TTC27: variants seen among roughly 807,000 people sequenced by gnomAD.
TTC27 encodes tetratricopeptide repeat protein 27.
In TTC27, 79 loss-of-function variants were observed where a neutral mutation model predicts 115.9. That is an observed-to-expected ratio of 0.68 (90% confidence interval 0.57 to 0.82). The LOEUF is 0.82. Among genes scored for constraint, TTC27 ranks in the 40% least tolerant of loss-of-function variants. The pLI is 0.00. For synonymous variants in TTC27, 401 were observed against 356.0 expected (o/e 1.13, Z -1.42); for missense variants, 1,054 against 993.1 (o/e 1.06, Z -0.82).
chr2:32,749,789 T>C (rs570793681), intron 12 of TTC27, among the ~76,000 whole-genome samples: 2 of 152,342 alleles, frequency 1.3e-5, no homozygotes, highest in South Asian at 4.1e-4. Context: ...TGTTAATATA[T>C]ACTACTTGGA....
intron 12 of TTC27, among the ~76,000 whole-genome samples, chr2:32,749,747 A>G (rs995639833): frequency 1.3e-5 from 2 of 152,210 alleles, no homozygotes; most frequent in African/African-American, 4.8e-5. Flanking sequence ...TAAGAAATCT[A>G]AGCTTTTATT....
intron 7 of TTC27, among the ~76,000 whole-genome samples, chr2:32,669,651 G>A (rs1343908409): frequency 1.3e-5 from 2 of 152,050 alleles, no homozygotes; most frequent in South Asian, 2.1e-4. Flanking sequence ...TTGGGAGGCC[G>A]AGGTGGGAGG....
intron 13 of TTC27, among the ~76,000 whole-genome samples, chr2:32,760,827 G>A (rs977889222): frequency 6.6e-5 from 10 of 152,020 alleles, no homozygotes; most frequent in African/African-American, 1.7e-4. Context: ...TCTCTGCAGC[G>A]CACAGTCTGT....
intron 1 of TTC27, among the ~76,000 whole-genome samples, chr2:32,629,630 G>A (rs926927457): frequency 1.3e-4 from 19 of 150,800 alleles, no homozygotes; most frequent in Middle Eastern, 3.4e-3. Context: ...TAGTAGAGAC[G>A]GGGTTTCACC....
chr2:32,804,176 A>G (rs1254565022), intron 16 of TTC27, among the ~76,000 whole-genome samples: 1 of 152,200 alleles, frequency 6.6e-6, no homozygotes, highest in Non-Finnish European at 1.5e-5. Context: ...ATAAAATATC[A>G]AAGATTAAAA....
At chr2:32,644,290 T>G (rs1162471419) in intron 4 of TTC27, among the ~76,000 whole-genome samples, 1 of 150,668 alleles carries the variant, frequency 6.6e-6, no homozygotes, top group Non-Finnish European at 1.5e-5. Context: ...AGGTGGAGGT[T>G]GCAGTGAGCC....
intron 12 of TTC27, among the ~76,000 whole-genome samples, chr2:32,748,935 G>A (rs1438297443): frequency 1.4e-4 from 22 of 152,150 alleles, no homozygotes; most frequent in Admixed American, 3.3e-4. Context: ...AGATCTGCCC[G>A]CCTCAGCTTC....
chr2:32,669,554 C>T (rs1367885606), intron 7 of TTC27, among the ~76,000 whole-genome samples: 1 of 152,024 alleles, frequency 6.6e-6, no homozygotes, highest in Admixed American at 6.6e-5. Context: ...CACTACTATA[C>T]CATTTATAGT....
chr2:32,641,725 C>G (rs1222903211), intron 4 of TTC27, among the ~76,000 whole-genome samples: 1 of 152,148 alleles, frequency 6.6e-6, no homozygotes, highest in Non-Finnish European at 1.5e-5. Context: ...GTTGCCCAGG[C>G]TGGAGTGCAA....
chr2:32,684,564 A>C (rs978592501), intron 9 of TTC27, among the ~76,000 whole-genome samples: 1 of 152,154 alleles, frequency 6.6e-6, no homozygotes, highest in Admixed American at 6.5e-5. Flanking sequence ...TGGAAGTTAC[A>C]CATTATATTT....
chr2:32,661,381 TTGATTCTTCCTATCCATGA>T (rs1352967191), intron 5 of TTC27, among the ~76,000 whole-genome samples: 1 of 152,210 alleles, frequency 6.6e-6, no homozygotes, highest in Non-Finnish European at 1.5e-5. Context: ...TTTCACCATA[TTGATTCTTCCTATCCATGA>T]GCATGGAATG....
At chr2:32,649,832 T>C (rs1256164314) in intron 4 of TTC27, among the ~76,000 whole-genome samples, 4 of 151,864 alleles carry the variant, frequency 2.6e-5, no homozygotes, top group Non-Finnish European at 5.9e-5. Context: ...GTGTGAGCCA[T>C]CGCACCCGGC....
At chr2:32,713,268 C>G (rs539090443) in intron 10 of TTC27, among the ~76,000 whole-genome samples, 3 of 152,208 alleles carry the variant, frequency 2.0e-5, no homozygotes, top group African/African-American at 7.2e-5. Context: ...ATTTTATAAT[C>G]CAAATGTGAA....
At chr2:32,721,885 T>C (rs1221311267) in intron 10 of TTC27, among the ~76,000 whole-genome samples, 1 of 152,180 alleles carries the variant, frequency 6.6e-6, no homozygotes, top group Non-Finnish European at 1.5e-5. Flanking sequence ...CCCAAAGCAC[T>C]GGGATTCTAG....
At chr2:32,670,158 A>C (rs1665959194) in intron 7 of TTC27, among the ~76,000 whole-genome samples, 1 of 151,946 alleles carries the variant, frequency 6.6e-6, no homozygotes, top group East Asian at 1.9e-4. Context: ...GATTACAGGC[A>C]TGAGCCACCG....
chr2:32,711,843 G>A (rs1467303078), intron 10 of TTC27, among the ~76,000 whole-genome samples: 5 of 152,114 alleles, frequency 3.3e-5, no homozygotes, highest in African/African-American at 9.7e-5. Flanking sequence ...AGGAAGCTGA[G>A]GCAGGAGAAT....
At chr2:32,630,199 A>C (rs1489677615) in intron 1 of TTC27, among the ~76,000 whole-genome samples, 1 of 152,332 alleles carries the variant, frequency 6.6e-6, no homozygotes, top group East Asian at 1.9e-4. Context: ...AACCTTGACT[A>C]AGGAAACTTT....
chr2:32,641,008 A>G (rs1464428394), intron 4 of TTC27, among the ~76,000 whole-genome samples: 1 of 152,014 alleles, frequency 6.6e-6, no homozygotes, highest in South Asian at 2.1e-4. Context: ...AACAACAACA[A>G]CAACAAAAAC....
At chr2:32,775,425 C>T (rs1247242876) in intron 13 of TTC27, among the ~76,000 whole-genome samples, 1 of 152,160 alleles carries the variant, frequency 6.6e-6, no homozygotes, top group Non-Finnish European at 1.5e-5. Context: ...GTCTCGATCT[C>T]CTGACCTCGT....
Sources: gnomAD v4.1 joint callset for allele counts (sites outside exome capture counted in the v4.1 genomes callset) on GRCh38, gnomAD v4.1.1 for gene constraint, MANE v1.5 for transcripts, NCBI Gene and HGNC (gene_info 2026-07-23, HGNC 2026-07-21) for gene names.